The following PDSS2 variants were observed in gnomAD, a reference collection of about 807,000 sequenced individuals.
PDSS2 encodes the protein all trans-polyprenyl-diphosphate synthase PDSS2.
A neutral mutation model predicts 44.5 loss-of-function variants in PDSS2; 31 were observed. The ratio of observed to expected loss-of-function variants is 0.70; its 90% CI spans 0.52 to 0.94. PDSS2 has a LOEUF of 0.94. Ranked by LOEUF, PDSS2 falls within the 40% of genes least tolerant of loss-of-function variation. PDSS2 has a pLI of 0.00. For missense variants in PDSS2, 452 were observed against 482.2 expected, an observed-to-expected ratio of 0.94 and a Z score of 0.59; for synonymous variants, 157 against 180.3, an observed-to-expected ratio of 0.87 and a Z score of 1.03.
At chr6:107,235,214 A>G (rs961081351) in intron 4 of PDSS2, among the ~76,000 whole-genome samples, 2 of 152,218 alleles carry the variant, frequency 1.3e-5, no homozygotes, top group Non-Finnish European at 2.9e-5. Context: ...CAGAGTACAC[A>G]AGAAGAGAGA....
intron 2 of PDSS2, among the ~76,000 whole-genome samples, chr6:107,275,587 C>T (rs919746849): frequency 6.6e-6 from 1 of 152,074 alleles, no homozygotes; most frequent in African/African-American, 2.4e-5. Context: ...TGACCCCAAG[C>T]AGAAGAACAC....
intron 2 of PDSS2, among the ~76,000 whole-genome samples, chr6:107,296,498 G>A (rs1030807920): frequency 1.3e-5 from 2 of 152,200 alleles, no homozygotes; most frequent in African/African-American, 4.8e-5. Flanking sequence ...GGCTGAGGTG[G>A]GTGGATCACC....
chr6:107,296,592 TGGCAGGAGCCTGTA>T (rs1395193485), intron 2 of PDSS2, among the ~76,000 whole-genome samples: 1 of 152,110 alleles, frequency 6.6e-6, no homozygotes, highest in Non-Finnish European at 1.5e-5. Flanking sequence ...CTGGGCGTGG[TGGCAGGAGCCTGTA>T]ATCCCAGCTA....
intron 2 of PDSS2, among the ~76,000 whole-genome samples, chr6:107,277,343 G>A (rs531569026): frequency 6.6e-6 from 1 of 152,300 alleles, no homozygotes; most frequent in East Asian, 1.9e-4. Flanking sequence ...AGTAGAAAAC[G>A]TGACCAAAGG....
chr6:107,458,829 G>C (rs760177450), intron 1 of PDSS2, among the ~76,000 whole-genome samples, 161 bp downstream of exon 1: 20 of 152,140 alleles, frequency 1.3e-4, no homozygotes, highest in Non-Finnish European at 2.8e-4. Flanking sequence ...AAGTGGACTA[G>C]AGAAGAGACA....
At chr6:107,432,555 C>A (rs981224016) in intron 1 of PDSS2, among the ~76,000 whole-genome samples, 8 of 152,130 alleles carry the variant, frequency 5.3e-5, no homozygotes, top group African/African-American at 1.9e-4. Flanking sequence ...CTTTGGGAGG[C>A]CAAGGCAGGC....
At chr6:107,160,724 T>C (rs1582713301) in intron 7 of PDSS2, among the ~76,000 whole-genome samples, 1 of 151,062 alleles carries the variant, frequency 6.6e-6, no homozygotes, top group South Asian at 2.1e-4. Context: ...AAGAAAACTG[T>C]TTGAGCAAAG....
At chr6:107,439,224 A>T (rs912974402) in intron 1 of PDSS2, among the ~76,000 whole-genome samples, 1 of 152,224 alleles carries the variant, frequency 6.6e-6, no homozygotes, top group Admixed American at 6.5e-5. Context: ...GTATTGAAAC[A>T]AGGCCATGGC....
intron 1 of PDSS2, among the ~76,000 whole-genome samples, chr6:107,456,031 A>G (rs914916157): frequency 6.6e-6 from 1 of 152,064 alleles, no homozygotes; most frequent in African/African-American, 2.4e-5. Context: ...TAATTACAAG[A>G]TGACTGTGAG....
chr6:107,334,387 T>C, intron 1 of PDSS2, 55 bp from the exon 2 acceptor site: 1 of 1,549,208 alleles, frequency 6.5e-7, no homozygotes, highest in Admixed American at 1.7e-5. Flanking sequence ...GATCATCAGA[T>C]AACTTAGAAA....
At chr6:107,430,462 T>C (rs1397548077) in intron 1 of PDSS2, among the ~76,000 whole-genome samples, 1 of 152,070 alleles carries the variant, frequency 6.6e-6, no homozygotes, top group African/African-American at 2.4e-5. Context: ...ATTGTGCCAC[T>C]GCACTCCAGC....
chr6:107,446,009 T>A lies in PDSS2; in HGVS notation c.296+12981A>T, dbSNP rs191743324. 2.6e-3 allele frequency among the ~76,000 whole-genome samples: 390 copies of A among 152,242 alleles called. 4 individuals carry two copies. Among genetic ancestry groups the A allele is most frequent in the African/African-American group, 9.2e-3 (380 of 41,530 alleles). The stretch of plus-strand genomic sequence containing the variant: ...CTCTCTGGATTTGAAGTGCTTTTTT[T>A]AAGGCTTTTCAAAATAAGAAATAAT... On this transcript the variant is annotated intron_variant, in intron 1 of 7. Coordinates refer to ENST00000369037, the MANE Select transcript of PDSS2 (RefSeq NM_020381.4).
chr6:107,316,423 G>A (rs1475691923), intron 2 of PDSS2, among the ~76,000 whole-genome samples: 1 of 151,876 alleles, frequency 6.6e-6, no homozygotes, highest in Non-Finnish European at 1.5e-5. Context: ...TAGCTCAGGT[G>A]TAATCAGATA....
At chr6:107,354,784 ATATT>A (rs1368207411) in intron 1 of PDSS2, among the ~76,000 whole-genome samples, 1 of 152,218 alleles carries the variant, frequency 6.6e-6, no homozygotes, top group Non-Finnish European at 1.5e-5. Context: ...AGCTGGGTCA[ATATT>A]TATGATTTTA....
chr6:107,244,585 T>G lies in PDSS2; in HGVS notation c.702+963A>C, dbSNP rs545845551. Among the ~76,000 whole-genome samples, 22 of 152,342 alleles carry G rather than the reference T, an allele frequency of 1.4e-4. No homozygotes were observed. The East Asian group carries it at 4.0e-3, about 28-fold the overall frequency. ...AACTGTGGTTACTTGAACCAAACGTTGGCAGATGTCCAAAGTGCAATTCTT... is the reference window on the plus strand; with the variant it reads ...AACTGTGGTTACTTGAACCAAACGTGGGCAGATGTCCAAAGTGCAATTCTT... On this transcript the variant is annotated intron_variant, in intron 4 of 7. Coordinates refer to ENST00000369037, the MANE Select transcript of PDSS2 (RefSeq NM_020381.4).
At chr6:107,329,749 A>C (rs1399898374) in intron 2 of PDSS2, among the ~76,000 whole-genome samples, 1 of 152,178 alleles carries the variant, frequency 6.6e-6, no homozygotes, top group African/African-American at 2.4e-5. Context: ...ATAAATTCAT[A>C]CAATCATGTA....
intron 1 of PDSS2, among the ~76,000 whole-genome samples, chr6:107,401,997 G>A (rs1039984777): frequency 1.3e-5 from 2 of 151,972 alleles, no homozygotes; most frequent in African/African-American, 4.8e-5. Flanking sequence ...ACAAAAATTA[G>A]GCCGGGCGCA....
At chr6:107,375,344 G>A (rs1779254351) in intron 1 of PDSS2, among the ~76,000 whole-genome samples, 1 of 152,078 alleles carries the variant, frequency 6.6e-6, no homozygotes, top group Non-Finnish European at 1.5e-5. Context: ...AAATGATTAT[G>A]AAATAAAGAA....
intron 1 of PDSS2, among the ~76,000 whole-genome samples, chr6:107,346,868 G>A (rs1778263152): frequency 6.6e-6 from 1 of 152,162 alleles, no homozygotes; most frequent in South Asian, 2.1e-4. Context: ...CTTGCTTATA[G>A]GTCTGGTGTA....
Sources: gnomAD v4.1 joint callset for allele counts (sites outside exome capture counted in the v4.1 genomes callset) on GRCh38, gnomAD v4.1.1 for gene constraint, MANE v1.5 for transcripts, NCBI Gene and HGNC (gene_info 2026-07-23, HGNC 2026-07-21) for gene names.